The following DIS3L2 variants were observed in gnomAD, a reference collection of about 807,000 sequenced individuals.
The protein encoded by DIS3L2 is DIS3-like exonuclease 2.
In DIS3L2, 34 loss-of-function variants were observed where a neutral mutation model predicts 97.5. That is an observed-to-expected ratio of 0.35 (90% CI 0.27 to 0.46). DIS3L2 has a LOEUF of 0.46. DIS3L2 is among the 20% of genes least tolerant of loss of function. The pLI is 1.00. For missense variants in DIS3L2, 1,038 were observed against 1,146.0 expected (o/e 0.91, Z 1.36); for synonymous variants, 435 against 445.2 (o/e 0.98, Z 0.29).
intron 1 of DIS3L2, among the ~76,000 whole-genome samples, chr2:231,969,178 C>A (rs1246633671): frequency 6.6e-6 from 1 of 152,016 alleles, no homozygotes; most frequent in African/African-American, 2.4e-5. Context: ...TGGACTAATA[C>A]ACTATTAAAA....
chr2:232,024,451 A>G (rs1694604570), intron 4 of DIS3L2, 121 bp downstream of exon 4: 5 of 773,174 alleles, frequency 6.5e-6, no homozygotes, highest in Non-Finnish European at 8.4e-6. Context: ...GACGATGGGC[A>G]AAGATTTGTT....
chr2:232,212,998 C>T (rs949544598), intron 10 of DIS3L2, among the ~76,000 whole-genome samples: 1 of 152,030 alleles, frequency 6.6e-6, no homozygotes, highest in Non-Finnish European at 1.5e-5. Flanking sequence ...ATGGAGTTGT[C>T]TGTCTGATGT....
intron 5 of DIS3L2, among the ~76,000 whole-genome samples, chr2:232,072,000 G>A (rs995186487): frequency 6.6e-5 from 10 of 152,162 alleles, no homozygotes; most frequent in Admixed American, 2.0e-4. Flanking sequence ...TGAAGGATTT[G>A]GTGACTGGTA....
chr2:232,031,577 T>G (rs1032390755), intron 5 of DIS3L2, among the ~76,000 whole-genome samples: 2 of 151,868 alleles, frequency 1.3e-5, no homozygotes, highest in African/African-American at 4.8e-5. Context: ...GGTATACATG[T>G]GCCATGGTGG....
At chr2:232,049,807 C>G (rs1200713166) in intron 5 of DIS3L2, among the ~76,000 whole-genome samples, 1 of 152,038 alleles carries the variant, frequency 6.6e-6, no homozygotes, top group Non-Finnish European at 1.5e-5. Flanking sequence ...TATGTTATTT[C>G]TACATTTGAC....
At chr2:232,285,466 G>T (rs186600942) in intron 13 of DIS3L2, among the ~76,000 whole-genome samples, 25 of 152,366 alleles carry the variant, frequency 1.6e-4, no homozygotes, top group Admixed American at 5.9e-4. Flanking sequence ...TTAATTGACA[G>T]TGAGCCTTGA....
rs150055202 is a variant in DIS3L2, at chr2:231,983,575, G to A, written c.-94+21810G>A. 1.2e-3 allele frequency among the ~76,000 whole-genome samples: 184 copies of A among 152,232 alleles called. 1 individual carries two copies. Among genetic ancestry groups the A allele is most frequent in the African/African-American group, 4.2e-3 (175 of 41,556 alleles). On this transcript the variant is annotated intron_variant, in intron 1 of 20. Transcript: ENST00000325385. ...TGCATGTGAGGGATGTAGGTTATGT[G>A]CTCTTTATCAGAATCTAATGCCTGA...
At position 232,329,876 on chromosome 2, in the gene DIS3L2, C is replaced by T. The variant is rs1695683844; in HGVS notation, c.1803C>T (p.Phe601=). The T allele has an allele frequency of 1.9e-6, 3 of 1,610,578 alleles. No individual in the cohort carries two copies. The highest frequency in any genetic ancestry group is 1.3e-5 in the African/African-American group (1 of 74,498). ...TGGCCCACAAGATCCACCGCGCCTT[C>T]CCCGAGCAGGCCCTGCTGCGCCGGC... is the stretch of plus-strand genomic sequence containing the variant. ...MAVAHKIHRA[F]PEQALLRRHP... Residue 601 remains phenylalanine (F), a synonymous_variant, in exon 15 of 21, where the codon TTC becomes TTT. Transcript: ENST00000325385.
chr2:232,210,457 G>T (rs147795984), intron 10 of DIS3L2, 52 bp downstream of exon 10: 4 of 1,527,064 alleles, frequency 2.6e-6, no homozygotes, highest in Non-Finnish European at 3.6e-6. Context: ...CTGCATGCCT[G>T]TGTGGTTAGC....
intron 8 of DIS3L2, among the ~76,000 whole-genome samples, chr2:232,159,149 C>T (rs1430288756): frequency 6.6e-6 from 1 of 152,160 alleles, no homozygotes; most frequent in Admixed American, 6.5e-5. Flanking sequence ...TGGGAGGATA[C>T]TGAAGAGCTC....
intron 9 of DIS3L2, among the ~76,000 whole-genome samples, chr2:232,171,692 T>C (rs908070154): frequency 6.6e-5 from 10 of 152,184 alleles, no homozygotes; most frequent in Admixed American, 5.9e-4. Context: ...CTCCTGGCAG[T>C]AGTATTCCTT....
intron 8 of DIS3L2, among the ~76,000 whole-genome samples, chr2:232,155,834 C>G (rs1574913491): frequency 6.6e-6 from 1 of 152,058 alleles, no homozygotes; most frequent in East Asian, 1.9e-4. Flanking sequence ...ACTAAAAATA[C>G]AAAAAATTAG....
intron 1 of DIS3L2, among the ~76,000 whole-genome samples, chr2:231,979,256 A>G (rs1175611831): frequency 2.6e-5 from 4 of 151,580 alleles, no homozygotes; most frequent in Admixed American, 2.6e-4. Flanking sequence ...TTTTTATTTA[A>G]TTTATTTTTT....
rs866354906 is a variant in DIS3L2, at chr2:232,210,380, C to T, written c.1179C>T (p.Ala393=). ...DPSTARDLDD[A]LSCKPLADGN... ...CAACCGCCCGAGACCTCGATGATGC[C>T]CTCTCCTGCAAGCCACTCGCTGACG... Residue 393 remains alanine, a synonymous_variant, in exon 10 of 21, where the codon GCC becomes GCT. Coordinates refer to ENST00000325385, the MANE Select transcript of DIS3L2 (RefSeq NM_152383.5). 1 of 1,613,486 alleles carries T rather than the reference C, an allele frequency of 6.2e-7. No homozygotes were observed. Among genetic ancestry groups the T allele is most frequent in the Non-Finnish European group, 8.5e-7 (1 of 1,179,630 alleles).
chr2:232,246,671 A>T (rs1037794883), intron 11 of DIS3L2, among the ~76,000 whole-genome samples: 3 of 152,218 alleles, frequency 2.0e-5, no homozygotes, highest in Non-Finnish European at 2.9e-5. Flanking sequence ...TTCCTGCACC[A>T]TGCTGCTGCT....
intron 12 of DIS3L2, among the ~76,000 whole-genome samples, chr2:232,254,887 G>A (rs143336206): frequency 2.6e-5 from 4 of 152,198 alleles, no homozygotes; most frequent in Admixed American, 2.0e-4. Context: ...GTTTGGACTA[G>A]AGACAGAGTT....
At chr2:232,230,053 A>G (rs1402814371) in intron 10 of DIS3L2, among the ~76,000 whole-genome samples, 4 of 152,132 alleles carry the variant, frequency 2.6e-5, no homozygotes, top group African/African-American at 9.7e-5. Context: ...TCCTCAAACC[A>G]TCACCACGTC....
chr2:232,127,665 T>G (rs1291177969), intron 6 of DIS3L2, among the ~76,000 whole-genome samples: 1 of 152,188 alleles, frequency 6.6e-6, no homozygotes, highest in African/African-American at 2.4e-5. Flanking sequence ...CACACCTGAC[T>G]TGGCACCTAT....
intron 13 of DIS3L2, among the ~76,000 whole-genome samples, chr2:232,270,880 C>CTCTCTCTT (rs1559185188): frequency 1.4e-5 from 2 of 138,954 alleles, no homozygotes; most frequent in Non-Finnish European, 3.1e-5. Context: ...CTCTCTCTCT[C>CTCTCTCTT]TCTCTCTCTC....
Sources: gnomAD v4.1 joint callset for allele counts (sites outside exome capture counted in the v4.1 genomes callset) on GRCh38, gnomAD v4.1.1 for gene constraint, MANE v1.5 for transcripts, NCBI Gene and HGNC (gene_info 2026-07-23, HGNC 2026-07-21) for gene names.